FGF1: variants seen among roughly 807,000 people sequenced by gnomAD.
FGF1 encodes beta-endothelial cell growth factor.
A neutral mutation model predicts 13.4 loss-of-function variants in FGF1; 9 were observed. That is an observed-to-expected ratio of 0.67 (90% CI 0.40 to 1.17). The LOEUF (loss-of-function observed/expected upper bound fraction) is 1.17. FGF1 is among the 50% of genes most tolerant of loss of function. The pLI is 0.01. For missense variants in FGF1, 156 were observed against 192.7 expected, an observed-to-expected ratio of 0.81 and a Z score of 1.13; for synonymous variants, 93 against 79.0, an observed-to-expected ratio of 1.18 and a Z score of -0.94.
intron 1 of FGF1, among the ~76,000 whole-genome samples, chr5:142,647,204 C>T (rs1040796472): frequency 3.3e-5 from 5 of 152,170 alleles, no homozygotes; most frequent in African/African-American, 1.2e-4. Flanking sequence ...TGCTTAAAAG[C>T]AGAGCATAAA....
chr5:142,613,990 C>T lies in FGF1; in HGVS notation c.138G>A (p.Val46=). The part of the protein sequence containing the change: ...HFLRILPDGT[V]DGTRDRSDQH... ...GGTCGCTCCTGTCCCTTGTCCCATC[C>T]ACTGTGCCATCCGGAAGGATCCTCA... is the stretch of plus-strand genomic sequence containing the variant. Residue 46 remains valine, a synonymous_variant, in exon 2 of 4, where the codon GTG becomes GTA. Coordinates refer to ENST00000337706, the MANE Select transcript of FGF1 (RefSeq NM_000800.5). The T allele has an allele frequency of 6.2e-7, 1 of 1,614,096 alleles. No individual in the cohort carries two copies. The highest frequency in any genetic ancestry group is 8.5e-7 in the Non-Finnish European group (1 of 1,180,012).
chr5:142,592,531 G>A lies in FGF1; in HGVS notation c.*2759C>T. 1 of 398,098 alleles carries A rather than the reference G, an allele frequency of 2.5e-6. No homozygotes were observed. The highest frequency in any genetic ancestry group is 3.6e-5 in the East Asian group (1 of 28,070). 24.7% of individuals were successfully genotyped at this position (398,098 alleles called of 1,614,324 possible). ...ATATGTTCATGATGCTTTGTTCAGA[G>A]CTGGCCCGAAAATGAATCCATATGA... On this transcript the variant is annotated 3_prime_UTR_variant, in exon 4 of 4. Coordinates refer to ENST00000337706, the MANE Select transcript of FGF1 (RefSeq NM_000800.5).
intron 1 of FGF1, among the ~76,000 whole-genome samples, chr5:142,618,929 G>GTTTTTTTT (rs869093279): frequency 2.7e-3 from 166 of 61,224 alleles, no homozygotes; most frequent in South Asian, 3.7e-3. Flanking sequence ...TAGTTGTTTT[G>GTTTTTTTT]TTTTTTTTTT....
At chr5:142,640,967 T>G (rs1378806143) in intron 1 of FGF1, among the ~76,000 whole-genome samples, 2 of 152,158 alleles carry the variant, frequency 1.3e-5, no homozygotes, top group East Asian at 3.9e-4. Context: ...TGAATATCTG[T>G]TGGTGTTTAT....
intron 1 of FGF1, among the ~76,000 whole-genome samples, chr5:142,672,591 G>A (rs1279726353): frequency 7.2e-6 from 1 of 139,448 alleles, no homozygotes; most frequent in African/African-American, 2.7e-5. Context: ...TGCAACTTCC[G>A]CTTCCCAGGT....
intron 1 of FGF1, among the ~76,000 whole-genome samples, chr5:142,655,414 T>A (rs1767987792): frequency 6.6e-6 from 1 of 152,232 alleles, no homozygotes; most frequent in Non-Finnish European, 1.5e-5. Flanking sequence ...ACTATGAGGC[T>A]GACCTAAGGT....
chr5:142,614,144 C>T lies in FGF1; in HGVS notation c.-17G>A, dbSNP rs1203708989. ...TTCAGCCATGGCTCAGCAGCTGCTGCTTGTGGCGCTTTCAAGACTGTAAGA... is the reference window on the plus strand; with the variant it reads ...TTCAGCCATGGCTCAGCAGCTGCTGTTTGTGGCGCTTTCAAGACTGTAAGA... On this transcript the variant is annotated 5_prime_UTR_variant, in exon 2 of 4. Transcript: ENST00000337706. The T allele has an allele frequency of 1.2e-6, 2 of 1,613,834 alleles. No homozygotes were observed. The highest frequency in any genetic ancestry group is 1.3e-5 in the African/African-American group (1 of 75,046).
chr5:142,619,181 G>A lies in FGF1; in HGVS notation c.-34-5020C>T, dbSNP rs908075205. Among the ~76,000 whole-genome samples the A allele has an allele frequency of 6.6e-5, 10 of 152,150 alleles. No homozygotes were observed. The East Asian group carries it at 7.7e-4, about 12-fold the overall frequency. ...GATCTCCTGACCTCGTGATCCACCC[G>A]CCTCAGCCTCCCAAAGTGCTGGGAT... On this transcript the variant is annotated intron_variant, in intron 1 of 3. Coordinates refer to ENST00000337706, the MANE Select transcript of FGF1 (RefSeq NM_000800.5).
At chr5:142,632,944 G>A (rs1180103098) in intron 1 of FGF1, among the ~76,000 whole-genome samples, 4 of 149,492 alleles carry the variant, frequency 2.7e-5, no homozygotes, top group Middle Eastern at 3.2e-3. Flanking sequence ...TTTTTTAGAC[G>A]GAGTCTTGCT....
intron 1 of FGF1, among the ~76,000 whole-genome samples, chr5:142,620,139 T>C (rs898223490): frequency 7.9e-5 from 12 of 151,976 alleles, no homozygotes; most frequent in East Asian, 7.8e-4. Flanking sequence ...AAAACTCGGC[T>C]GGGCGCGGTG....
intron 1 of FGF1, among the ~76,000 whole-genome samples, chr5:142,618,129 A>G (rs1760638080): frequency 6.6e-6 from 1 of 152,158 alleles, no homozygotes; most frequent in African/African-American, 2.4e-5. Context: ...CCGTGTCACC[A>G]TTGTGCACGA....
At chr5:142,600,392 G>GGAAT (rs898305039) in intron 3 of FGF1, among the ~76,000 whole-genome samples, 5 of 151,854 alleles carry the variant, frequency 3.3e-5, no homozygotes, top group Admixed American at 6.6e-5. Context: ...AAACATTTTT[G>GGAAT]GAATGAATGA....
Position 142,592,660 on chromosome 5 carries a change from C to T in FGF1, c.*2630G>A, listed in dbSNP as rs17224031. 2.9e-4 allele frequency: 113 copies of T among 388,812 alleles called. 1 individual carries two copies. Among genetic ancestry groups the T allele is most frequent in the African/African-American group, 2.2e-3 (109 of 48,504 alleles). 24.1% of individuals were successfully genotyped at this position (388,812 alleles called of 1,614,324 possible). The stretch of plus-strand genomic sequence containing the variant: ...TGTTCAAAACAGAGCAGGGAACTAC[C>T]AACCTCTTCCTTCTAAGAAGATCTG... On this transcript the variant is annotated 3_prime_UTR_variant, in exon 4 of 4. Transcript: ENST00000337706.
intron 3 of FGF1, among the ~76,000 whole-genome samples, chr5:142,597,796 A>T (rs528014310): frequency 1.7e-4 from 26 of 152,274 alleles, no homozygotes; most frequent in African/African-American, 6.3e-4. Flanking sequence ...GAGGAAGGAG[A>T]TGGAATCTTG....
chr5:142,620,958 T>C (rs2151899140), intron 1 of FGF1, among the ~76,000 whole-genome samples: 1 of 152,354 alleles, frequency 6.6e-6, no homozygotes, highest in East Asian at 1.9e-4. Context: ...GTTTTACCTT[T>C]TTAGTGTCTC....
chr5:142,647,035 G>A (rs780266410), intron 1 of FGF1, among the ~76,000 whole-genome samples: 1 of 152,194 alleles, frequency 6.6e-6, no homozygotes, highest in Non-Finnish European at 1.5e-5. Context: ...CAGGGCCCCA[G>A]TATAATGTAC....
intron 1 of FGF1, among the ~76,000 whole-genome samples, chr5:142,658,869 G>A (rs1040419596): frequency 6.6e-6 from 1 of 152,138 alleles, no homozygotes; most frequent in Non-Finnish European, 1.5e-5. Flanking sequence ...ACTCTTCCAG[G>A]GGAGGAACTG....
At chr5:142,648,359 G>C (rs1027862093) in intron 1 of FGF1, among the ~76,000 whole-genome samples, 12 of 152,214 alleles carry the variant, frequency 7.9e-5, no homozygotes, top group African/African-American at 2.4e-4. Context: ...CCTTTGCAGG[G>C]ACATGGATGA....
chr5:142,595,621 G>T (rs1755093851), intron 3 of FGF1, 137 bp from the exon 4 acceptor site: 2 of 701,904 alleles, frequency 2.8e-6, no homozygotes, highest in Non-Finnish European at 4.7e-6. Context: ...GAAAATTGGG[G>T]TCATGGTGGA....
Sources: gnomAD v4.1 joint callset for allele counts (sites outside exome capture counted in the v4.1 genomes callset) on GRCh38, gnomAD v4.1.1 for gene constraint, MANE v1.5 for transcripts, NCBI Gene and HGNC (gene_info 2026-07-23, HGNC 2026-07-21) for gene names.